The following ZMAT4 variants were observed in gnomAD, a reference collection of about 807,000 sequenced individuals.
The protein encoded by ZMAT4 is zinc finger matrin-type 4.
ZMAT4 carries 17 observed loss-of-function variants against 28.7 expected under a neutral mutation model. That is an observed-to-expected ratio of 0.59 (90% CI 0.41 to 0.89). The LOEUF (loss-of-function observed/expected upper bound fraction) is 0.89. Ranked by LOEUF, ZMAT4 falls within the 40% of genes least tolerant of loss-of-function variation. The pLI, the probability that ZMAT4 is intolerant of heterozygous loss-of-function variation, is 0.00. For missense variants in ZMAT4, 240 were observed against 283.8 expected, an observed-to-expected ratio of 0.85 and a Z score of 1.11; for synonymous variants, 117 against 109.2, an observed-to-expected ratio of 1.07 and a Z score of -0.44.
rs1563531979 is a variant in ZMAT4 at position 40,859,275 on chromosome 8, AC to A, written c.-4-33596del. ...TCTCCCTTGCAGGAATGCTGTCCCCACCCTTGTCAGCTGGTGACGAGGCTGC... is the reference window on the plus strand; with the variant it reads ...TCTCCCTTGCAGGAATGCTGTCCCCACCTTGTCAGCTGGTGACGAGGCTGC... On this transcript the variant is annotated intron_variant, in intron 1 of 6. Coordinates refer to ENST00000297737, the MANE Select transcript of ZMAT4 (RefSeq NM_024645.3). Among the ~76,000 whole-genome samples, 6 of 152,190 alleles carry A rather than the reference AC, an allele frequency of 3.9e-5. No individual in the cohort carries two copies. In the East Asian group the frequency reaches 1.2e-3, roughly 30 times the overall value.
intron 3 of ZMAT4, among the ~76,000 whole-genome samples, chr8:40,756,124 G>A (rs760898009): frequency 6.6e-6 from 1 of 152,034 alleles, no homozygotes; most frequent in Non-Finnish European, 1.5e-5. Context: ...GGTACTTTGA[G>A]TGGGGGAAGA....
At position 40,754,885 on chromosome 8, in the gene ZMAT4, G is replaced by A. The variant is rs776021974; in HGVS notation, c.192+12756C>T. 2.5e-4 allele frequency among the ~76,000 whole-genome samples: 38 copies of A among 152,296 alleles called. No homozygotes were observed. In the South Asian group the frequency reaches 2.9e-3, roughly 12 times the overall value. On this transcript the variant is annotated intron_variant, in intron 3 of 6. Coordinates refer to ENST00000297737, the MANE Select transcript of ZMAT4 (RefSeq NM_024645.3). Reference sequence around the variant, plus strand: ...TTAAAAATTTAAAAATTAGCTGGTTGCCGTGATGCATGCCTGTGGTCTGCG... The same window carrying A: ...TTAAAAATTTAAAAATTAGCTGGTTACCGTGATGCATGCCTGTGGTCTGCG...
intron 5 of ZMAT4, among the ~76,000 whole-genome samples, chr8:40,635,319 T>C (rs1406673481): frequency 6.6e-6 from 1 of 152,136 alleles, no homozygotes; most frequent in Non-Finnish European, 1.5e-5. Flanking sequence ...GGAAATTATG[T>C]CCTTGTTACC....
intron 1 of ZMAT4, among the ~76,000 whole-genome samples, chr8:40,844,791 A>G (rs1432547363): frequency 1.5e-4 from 23 of 151,778 alleles, no homozygotes; most frequent in Admixed American, 1.5e-3. Flanking sequence ...CATATTTTAA[A>G]CTCACCTGGG....
At chr8:40,644,881 C>A (rs4737158) in intron 5 of ZMAT4, among the ~76,000 whole-genome samples, 9,251 of 152,178 alleles carry the variant, frequency 0.061, 693 homozygotes, top group East Asian at 0.43. Context: ...CCAGTCTAAT[C>A]CTGAGAGAAA....
At chr8:40,632,859 G>C (rs1806646548) in intron 5 of ZMAT4, among the ~76,000 whole-genome samples, 1 of 152,222 alleles carries the variant, frequency 6.6e-6, no homozygotes, top group Non-Finnish European at 1.5e-5. Flanking sequence ...TCTCCTTTCT[G>C]TATTTCTCAC....
intron 4 of ZMAT4, chr8:40,691,024 G>T: frequency 1.5e-6 from 1 of 670,980 alleles, no homozygotes; most frequent in Non-Finnish European, 1.8e-6. Context: ...GAGAGCCTTG[G>T]ATTTTGAAAT....
At chr8:40,791,970 A>T (rs1278738635) in intron 2 of ZMAT4, among the ~76,000 whole-genome samples, 1 of 152,244 alleles carries the variant, frequency 6.6e-6, no homozygotes, top group Non-Finnish European at 1.5e-5. Context: ...AAAATCCACC[A>T]GTGTTGCTAT....
chr8:40,850,118 TG>T (rs1400716950), intron 1 of ZMAT4, among the ~76,000 whole-genome samples: 3 of 152,214 alleles, frequency 2.0e-5, no homozygotes, highest in African/African-American at 7.2e-5. Context: ...GTCTCTCACC[TG>T]GAGGACACCT....
At chr8:40,680,485 G>A (rs1002024978) in intron 4 of ZMAT4, among the ~76,000 whole-genome samples, 27 of 152,132 alleles carry the variant, frequency 1.8e-4, no homozygotes, top group African/African-American at 6.5e-4. Context: ...TTTCAACCAA[G>A]AAGACAAGAT....
At chr8:40,576,555 C>T (rs1033464571) in intron 6 of ZMAT4, among the ~76,000 whole-genome samples, 1 of 148,628 alleles carries the variant, frequency 6.7e-6, no homozygotes, top group African/African-American at 2.5e-5. Context: ...AACTGTCAGT[C>T]AAGAATACTA....
intron 5 of ZMAT4, among the ~76,000 whole-genome samples, chr8:40,582,943 G>A (rs1804540953): frequency 1.3e-5 from 2 of 152,314 alleles, no homozygotes; most frequent in South Asian, 4.1e-4. Context: ...ACCAAAATGA[G>A]GTAAGAGAGC....
In ZMAT4 at chr8:40,635,288, C is replaced by A. The variant is rs536360123; in HGVS notation, c.577+39416G>T. Among the ~76,000 whole-genome samples, 5 of 152,252 alleles carry A rather than the reference C, an allele frequency of 3.3e-5. No individual in the cohort carries two copies. The East Asian group carries it at 7.7e-4, about 24-fold the overall frequency. On this transcript the variant is annotated intron_variant, in intron 5 of 6. Transcript: ENST00000297737. ...ATTGCTTCCGCTAGGGGCCTTAATA[C>A]GAGTGGGTAGGATAACTAGGGGAAA...
At chr8:40,704,047 C>T (rs542393663) in intron 3 of ZMAT4, among the ~76,000 whole-genome samples, 21 of 152,322 alleles carry the variant, frequency 1.4e-4, no homozygotes, top group Non-Finnish European at 2.1e-4. Flanking sequence ...CCACTTGCAG[C>T]TGCTACTAAG....
chr8:40,855,283 G>A (rs536811389), intron 1 of ZMAT4, among the ~76,000 whole-genome samples: 8 of 152,146 alleles, frequency 5.3e-5, no homozygotes, highest in South Asian at 4.1e-4. Flanking sequence ...GCATCCTAAC[G>A]GAGCCCACTG....
At chr8:40,889,772 A>C (rs58529178) in intron 1 of ZMAT4, among the ~76,000 whole-genome samples, 2,167 of 152,328 alleles carry the variant, frequency 0.014, 52 homozygotes, top group African/African-American at 0.049. Flanking sequence ...TAATGCCTCC[A>C]TGCAATGTTT....
intron 2 of ZMAT4, among the ~76,000 whole-genome samples, chr8:40,808,981 C>A (rs1178739860): frequency 1.3e-5 from 2 of 152,128 alleles, no homozygotes; most frequent in South Asian, 4.2e-4. Context: ...ACTGCTGGGT[C>A]GATTATTCTG....
rs1477281920 is a variant in ZMAT4 at position 40,720,666 on chromosome 8, TACAGGTACCC to T, written c.193-23275_193-23266del. Among the ~76,000 whole-genome samples the T allele has an allele frequency of 3.9e-5, 6 of 152,070 alleles. No homozygotes were observed. The East Asian group carries it at 7.8e-4, about 20-fold the overall frequency. On this transcript the variant is annotated intron_variant, in intron 3 of 6. Transcript: ENST00000297737. ...CCTCAGCCTCCCAAGTAGCTAAGAT[TACAGGTACCC>T]ACACCATGATCAGCTAATTTTTGTA...
At chr8:40,621,799 G>T (rs1378497531) in intron 5 of ZMAT4, among the ~76,000 whole-genome samples, 1 of 152,132 alleles carries the variant, frequency 6.6e-6, no homozygotes, top group Non-Finnish European at 1.5e-5. Flanking sequence ...GCCACTCAGG[G>T]TCTAAGATTT....
Sources: gnomAD v4.1 joint callset for allele counts (sites outside exome capture counted in the v4.1 genomes callset) on GRCh38, gnomAD v4.1.1 for gene constraint, MANE v1.5 for transcripts, NCBI Gene and HGNC (gene_info 2026-07-23, HGNC 2026-07-21) for gene names.